R3HCC1L: variants seen among roughly 807,000 people sequenced by gnomAD.
The protein encoded by R3HCC1L is R3H domain and coiled-coil containing 1 like.
R3HCC1L carries 51 observed loss-of-function variants against 59.9 expected under a neutral mutation model. That is an observed-to-expected ratio of 0.85 (90% CI 0.68 to 1.07). The LOEUF is 1.07. Ranked by LOEUF, R3HCC1L falls within the 50% of genes least tolerant of loss-of-function variation. The pLI, the probability that R3HCC1L is intolerant of heterozygous loss-of-function variation, is 0.00. For synonymous variants in R3HCC1L, 322 were observed against 315.2 expected (o/e 1.02, Z -0.23); for missense variants, 965 against 933.0 (o/e 1.03, Z -0.45).
intron 4 of R3HCC1L, among the ~76,000 whole-genome samples, chr10:98,187,560 T>G (rs1469685156): frequency 6.6e-6 from 1 of 152,070 alleles, no homozygotes. Flanking sequence ...AGTAGGTTTT[T>G]TGGATGGGGA....
At chr10:98,223,606 A>G (rs1855315675) in intron 5 of R3HCC1L, among the ~76,000 whole-genome samples, 1 of 151,862 alleles carries the variant, frequency 6.6e-6, no homozygotes, top group Non-Finnish European at 1.5e-5. Flanking sequence ...GGGTGGGTAA[A>G]GTAGCATAGT....
At chr10:98,153,818 AAG>A (rs1210792988) in intron 1 of R3HCC1L, among the ~76,000 whole-genome samples, 6 of 151,690 alleles carry the variant, frequency 4.0e-5, no homozygotes, top group East Asian at 1.9e-4. Flanking sequence ...AAAAAAAAAA[AAG>A]AAATTCCAGA....
At chr10:98,171,131 T>C (rs1721959997) in intron 4 of R3HCC1L, among the ~76,000 whole-genome samples, 1 of 152,204 alleles carries the variant, frequency 6.6e-6, no homozygotes. Flanking sequence ...GAAAACAGAA[T>C]GTCTGAGAAA....
chr10:98,207,964 A>G, intron 4 of R3HCC1L, 137 bp from the exon 5 acceptor site: 1 of 783,704 alleles, frequency 1.3e-6, no homozygotes, highest in Non-Finnish European at 2.0e-6. Context: ...GGCAGAGGTT[A>G]CAGTGAGCTG....
chr10:98,243,740 G>C (rs1170711404), intron 9 of R3HCC1L, among the ~76,000 whole-genome samples: 1 of 152,184 alleles, frequency 6.6e-6, no homozygotes, highest in Non-Finnish European at 1.5e-5. Flanking sequence ...TCAGTAAGCT[G>C]AGAATAATGG....
intron 4 of R3HCC1L, among the ~76,000 whole-genome samples, chr10:98,193,574 A>G (rs1851094228): frequency 6.6e-6 from 1 of 152,132 alleles, no homozygotes; most frequent in Admixed American, 6.5e-5. Flanking sequence ...ACATACATTG[A>G]AAACTATAAA....
At chr10:98,155,386 A>G (rs184797905) in intron 1 of R3HCC1L, among the ~76,000 whole-genome samples, 12 of 152,046 alleles carry the variant, frequency 7.9e-5, no homozygotes, top group African/African-American at 2.2e-4. Context: ...TGAAGCTTCT[A>G]TATTTTGTGT....
In R3HCC1L at chr10:98,191,103, G is replaced by A. The variant is rs547553893; in HGVS notation, c.-14-16998G>A. On this transcript the variant is annotated intron_variant, in intron 4 of 9. Transcript: ENST00000298999. ...AGTCTTCGCTATTGTGAATAGTGCC[G>A]CATTAAACATATGTGTGTGTGTGTC... is the stretch of plus-strand genomic sequence containing the variant. Among the ~76,000 whole-genome samples the A allele has an allele frequency of 4.6e-5, 7 of 152,200 alleles. No homozygotes were observed. In the East Asian group the frequency reaches 5.8e-4, roughly 13 times the overall value.
At chr10:98,184,739 C>A (rs1159934451) in intron 4 of R3HCC1L, among the ~76,000 whole-genome samples, 3 of 152,128 alleles carry the variant, frequency 2.0e-5, no homozygotes, top group African/African-American at 7.2e-5. Context: ...TTTCCATTTT[C>A]TCTGGGTCTC....
At chr10:98,138,493 C>T (rs2133832954) in intron 1 of R3HCC1L, among the ~76,000 whole-genome samples, 2 of 151,952 alleles carry the variant, frequency 1.3e-5, no homozygotes, top group South Asian at 2.1e-4. Flanking sequence ...GAGTTCAAGA[C>T]CAGCCTGGGC....
chr10:98,221,831 C>G (rs373159056), intron 5 of R3HCC1L, among the ~76,000 whole-genome samples: 1 of 152,148 alleles, frequency 6.6e-6, no homozygotes, highest in Non-Finnish European at 1.5e-5. Context: ...CAGCTTTGTT[C>G]TTTTGGCTTA....
chr10:98,136,823 T>C (rs555601320), intron 1 of R3HCC1L, among the ~76,000 whole-genome samples: 8 of 152,042 alleles, frequency 5.3e-5, no homozygotes, highest in Non-Finnish European at 8.8e-5. Context: ...GCCGATAGAT[T>C]GAGACTCTGT....
chr10:98,163,498 G>T (rs1232768747), intron 4 of R3HCC1L, 101 bp downstream of exon 4: 4 of 744,796 alleles, frequency 5.4e-6, no homozygotes, highest in Non-Finnish European at 7.9e-6. Flanking sequence ...ATTTTATTTT[G>T]TAACTGTCAT....
chr10:98,186,075 C>T (rs751073440), intron 4 of R3HCC1L, among the ~76,000 whole-genome samples: 3 of 152,166 alleles, frequency 2.0e-5, no homozygotes, highest in Non-Finnish European at 4.4e-5. Flanking sequence ...TGGTATGTTT[C>T]TGTAGAACCT....
chr10:98,160,549 A>G (rs1847313977), intron 2 of R3HCC1L, among the ~76,000 whole-genome samples: 1 of 152,226 alleles, frequency 6.6e-6, no homozygotes, highest in Non-Finnish European at 1.5e-5. Flanking sequence ...ACCGTGTTCA[A>G]AAGTTACTTG....
At chr10:98,242,752 C>T (rs1428529318) in intron 9 of R3HCC1L, among the ~76,000 whole-genome samples, 1 of 152,056 alleles carries the variant, frequency 6.6e-6, no homozygotes, top group Non-Finnish European at 1.5e-5. Context: ...GATGTAGAAC[C>T]AGATTTTGAT....
intron 2 of R3HCC1L, among the ~76,000 whole-genome samples, chr10:98,157,430 A>G (rs1007255465): frequency 1.3e-5 from 2 of 152,234 alleles, no homozygotes; most frequent in Non-Finnish European, 2.9e-5. Context: ...TCTATTCTGC[A>G]TTTTAGAGAT....
chr10:98,162,468 T>C (rs922677988), intron 2 of R3HCC1L, among the ~76,000 whole-genome samples: 1 of 152,218 alleles, frequency 6.6e-6, no homozygotes, highest in Non-Finnish European at 1.5e-5. Context: ...TTATTGCTCT[T>C]TTTTAATATT....
At chr10:98,229,406 G>C (rs1856084252) in intron 5 of R3HCC1L, among the ~76,000 whole-genome samples, 1 of 152,178 alleles carries the variant, frequency 6.6e-6, no homozygotes, top group South Asian at 2.1e-4. Flanking sequence ...GTGTAGGAAT[G>C]CTTGTGATTT....
Sources: gnomAD v4.1 joint callset for allele counts (sites outside exome capture counted in the v4.1 genomes callset) on GRCh38, gnomAD v4.1.1 for gene constraint, MANE v1.5 for transcripts, NCBI Gene and HGNC (gene_info 2026-07-23, HGNC 2026-07-21) for gene names.